Variants in ZFAND5 observed in about 807,000 individuals in gnomAD.
The protein encoded by ZFAND5 is AN1-type zinc finger protein 5.
In ZFAND5, 4 loss-of-function variants were observed where a neutral mutation model predicts 23.6. That is an observed-to-expected ratio of 0.17 (90% CI 0.08 to 0.39). The LOEUF (loss-of-function observed/expected upper bound fraction) is 0.39, where lower values mean the gene tolerates loss of function less well. Ranked by LOEUF, ZFAND5 falls within the 10% of genes least tolerant of loss-of-function variation. The pLI is 1.00. For synonymous variants in ZFAND5, 68 were observed against 80.6 expected, an observed-to-expected ratio of 0.84 and a Z score of 0.84; for missense variants, 161 against 253.7, an observed-to-expected ratio of 0.63 and a Z score of 2.48.
chr9:72,364,449 ATT>A (rs1564317120), intron 1 of ZFAND5: 10 of 1,271,002 alleles, frequency 7.9e-6, no homozygotes, highest in South Asian at 2.5e-5. Context: ...CACGCCGTGC[ATT>A]GTTTCCCGAC....
At position 72,354,489 on chromosome 9, in the gene ZFAND5, A is replaced by G. The variant is rs1243391060; in HGVS notation, c.*1464T>C. 6.5e-6 allele frequency: 1 copy of G among 152,694 alleles called. No individual in the cohort carries two copies. Among genetic ancestry groups the G allele is most frequent in the Non-Finnish European group, 1.5e-5 (1 of 68,048 alleles). The allele number at this position is 152,694 out of a possible 1,614,324, so 9.5% of individuals were successfully genotyped here. A position where few individuals can be genotyped will look rare whatever the true frequency, so the allele number is the denominator to read the frequency against. On this transcript the variant is annotated 3_prime_UTR_variant, in exon 7 of 7. Transcript: ENST00000376962. ...TCTGTACATGGCTTTTATTATTTACATAATACAATATAGCATCAATGCTGA... is the reference window on the plus strand; with the variant it reads ...TCTGTACATGGCTTTTATTATTTACGTAATACAATATAGCATCAATGCTGA...
Position 72,355,721 on chromosome 9 carries a change from A to G in ZFAND5, c.*232T>C. 1 of 353,828 alleles carries G rather than the reference A, an allele frequency of 2.8e-6. No homozygotes were observed. Among genetic ancestry groups the G allele is most frequent in the Admixed American group, 4.5e-5 (1 of 22,286 alleles). 21.9% of individuals were successfully genotyped at this position (353,828 alleles called of 1,614,324 possible). A position where few individuals can be genotyped will look rare whatever the true frequency, so the allele number is the denominator to read the frequency against. On this transcript the variant is annotated 3_prime_UTR_variant, in exon 7 of 7. Transcript: ENST00000376962. ...CTGTGTGTTTCACTTTGCTGTGCAGATTTTCATCCAATTTTTTTCAGGGGA... is the reference window on the plus strand; with the variant it reads ...CTGTGTGTTTCACTTTGCTGTGCAGGTTTTCATCCAATTTTTTTCAGGGGA...
At chr9:72,357,584 A>G (rs1841979645) in intron 5 of ZFAND5, among the ~76,000 whole-genome samples, 1 of 152,196 alleles carries the variant, frequency 6.6e-6, no homozygotes, top group Non-Finnish European at 1.5e-5. Flanking sequence ...TCAGATCCAA[A>G]AATTCCAAAA....
rs80243203 is a variant in ZFAND5 at position 72,361,385 on chromosome 9, A to G, written c.-9-598T>C. Reference sequence around the variant, plus strand: ...CCTGCTACCCTGGCACCAACAAGTAAATCTCTAAGAATTTAGGGTCAGCTG... The same window carrying G: ...CCTGCTACCCTGGCACCAACAAGTAGATCTCTAAGAATTTAGGGTCAGCTG... On this transcript the variant is annotated intron_variant, in intron 2 of 6. Coordinates refer to ENST00000376962, the MANE Select transcript of ZFAND5 (RefSeq NM_001102420.3). Among the ~76,000 whole-genome samples, 585 of 152,302 alleles carry G rather than the reference A, an allele frequency of 3.8e-3. 1 individual carries two copies. The highest frequency in any genetic ancestry group is 6.4e-3 in the Non-Finnish European group (437 of 68,014).
chr9:72,361,037 C>A (rs1019161797), intron 2 of ZFAND5, among the ~76,000 whole-genome samples: 1 of 151,898 alleles, frequency 6.6e-6, no homozygotes, highest in Non-Finnish European at 1.5e-5. Context: ...TATCACTATT[C>A]TTGGTTTCAA....
Position 72,355,866 on chromosome 9 carries a change from GA to G in ZFAND5, c.*86del. ...ATGTAAAACTCTGGAGAACATCAAA[GA>G]AAAATGGCCATGCATCTGCTCTTTA... On this transcript the variant is annotated 3_prime_UTR_variant, in exon 7 of 7. Coordinates refer to ENST00000376962, the MANE Select transcript of ZFAND5 (RefSeq NM_001102420.3). 2 of 1,255,546 alleles carry G rather than the reference GA, an allele frequency of 1.6e-6. No individual in the cohort carries two copies. The highest frequency in any genetic ancestry group is 2.4e-5 in the East Asian group (1 of 41,392). 77.8% of individuals were successfully genotyped at this position (1,255,546 alleles called of 1,614,324 possible).
At position 72,354,075 on chromosome 9, in the gene ZFAND5, C is replaced by T. The variant is rs1001591841; in HGVS notation, c.*1878G>A. ...ACAGAGACCAAGTCCATGGGTGAAT[C>T]TCTGTATTAGAGCCAAACCCAAAAC... is the stretch of plus-strand genomic sequence containing the variant. On this transcript the variant is annotated 3_prime_UTR_variant, in exon 7 of 7. Coordinates refer to ENST00000376962, the MANE Select transcript of ZFAND5 (RefSeq NM_001102420.3). 85 of 152,256 alleles carry T rather than the reference C, an allele frequency of 5.6e-4. No individual in the cohort carries two copies. The highest frequency in any genetic ancestry group is 5.6e-3 in the Admixed American group (85 of 15,294). 9.4% of individuals were successfully genotyped at this position (152,256 alleles called of 1,614,324 possible). A position where few individuals can be genotyped will look rare whatever the true frequency, so the allele number is the denominator to read the frequency against.
chr9:72,362,358 C>T (rs192020394), intron 2 of ZFAND5, among the ~76,000 whole-genome samples: 78 of 152,286 alleles, frequency 5.1e-4, no homozygotes, highest in Non-Finnish European at 8.7e-4. Context: ...ATGCCCACCA[C>T]GCACAAAATA....
At chr9:72,364,359 T>G in intron 1 of ZFAND5, 1 of 1,140,614 alleles carries the variant, frequency 8.8e-7, no homozygotes, top group Non-Finnish European at 1.1e-6. Context: ...CCTCGGCCTC[T>G]TTGTTTCTCT....
At chr9:72,360,451 T>C in intron 3 of ZFAND5, 177 bp downstream of exon 3, 1 of 909,762 alleles carries the variant, frequency 1.1e-6, no homozygotes, top group South Asian at 1.7e-5. Flanking sequence ...TATAAGATGC[T>C]TGTAGATAGT....
rs144469829 is a variant in ZFAND5 at position 72,353,188 on chromosome 9, T to TTC, written c.*2764_*2765insGA. On this transcript the variant is annotated 3_prime_UTR_variant, in exon 7 of 7. Transcript: ENST00000376962. ...AAACATGGTATATTATTAAATTGCT[T>TTC]AATATCTGTACATTTCAAAGGACTT... 0.038 allele frequency: 5,764 copies of TTC among 152,244 alleles called. 132 individuals are homozygous for TTC. The highest frequency in any genetic ancestry group is 0.06 in the African/African-American group (2,477 of 41,536). 9.4% of individuals were successfully genotyped at this position (152,244 alleles called of 1,614,324 possible). A position where few individuals can be genotyped will look rare whatever the true frequency, so the allele number is the denominator to read the frequency against.
intron 2 of ZFAND5, among the ~76,000 whole-genome samples, chr9:72,361,265 A>T (rs185923181): frequency 1.3e-5 from 2 of 152,336 alleles, no homozygotes; most frequent in East Asian, 3.9e-4. Flanking sequence ...TCTGGGCTTC[A>T]TCAGTAATTT....
At position 72,354,545 on chromosome 9, in the gene ZFAND5, GAACT is replaced by G. The variant is rs1489522024; in HGVS notation, c.*1404_*1407del. On this transcript the variant is annotated 3_prime_UTR_variant, in exon 7 of 7. Coordinates refer to ENST00000376962, the MANE Select transcript of ZFAND5 (RefSeq NM_001102420.3). ...ATGATTATGTGCAATACATAAATAT[GAACT>G]ATCTGTACACATCTGCAGGTCTAAC... 6.6e-6 allele frequency: 1 copy of G among 152,652 alleles called. No homozygotes were observed. The highest frequency in any genetic ancestry group is 1.5e-5 in the Non-Finnish European group (1 of 68,032). 9.5% of individuals were successfully genotyped at this position (152,652 alleles called of 1,614,324 possible). A position where few individuals can be genotyped will look rare whatever the true frequency, so the allele number is the denominator to read the frequency against.
intron 3 of ZFAND5, 44 bp from the exon 4 acceptor site, chr9:72,360,265 A>G (rs762774514): frequency 1.6e-4 from 245 of 1,500,148 alleles, no homozygotes; most frequent in Non-Finnish European, 2.1e-4. Context: ...AACACTACAA[A>G]AACTCACTTA....
chr9:72,360,338 G>T (rs1026192821), intron 3 of ZFAND5, 117 bp from the exon 4 acceptor site: 2 of 933,296 alleles, frequency 2.1e-6, no homozygotes, highest in Non-Finnish European at 3.3e-6. Context: ...CATTCACTGT[G>T]CTGTAATCCT....
At chr9:72,364,033 G>A (rs1842182685) in intron 1 of ZFAND5, 1 of 152,816 alleles carries the variant, frequency 6.5e-6, no homozygotes, top group South Asian at 1.9e-4. Context: ...ACGGATCTCA[G>A]GATAAAAACG....
intron 2 of ZFAND5, among the ~76,000 whole-genome samples, chr9:72,363,065 C>T (rs1309436691): frequency 1.3e-5 from 2 of 152,132 alleles, no homozygotes; most frequent in South Asian, 2.1e-4. Flanking sequence ...AAGATGAAAG[C>T]ATAGTCAAAG....
intron 2 of ZFAND5, among the ~76,000 whole-genome samples, chr9:72,363,226 A>G (rs1366030176): frequency 6.6e-6 from 1 of 152,216 alleles, no homozygotes; most frequent in Admixed American, 6.5e-5. Context: ...AAAAAATACC[A>G]TTACTATTTA....
intron 1 of ZFAND5, chr9:72,364,244 C>T: frequency 2.7e-6 from 1 of 371,752 alleles, no homozygotes; most frequent in Non-Finnish European, 4.4e-6. Flanking sequence ...CAGCCCTTCG[C>T]CTGCAGGCCC....
Sources: gnomAD v4.1 joint callset for allele counts (sites outside exome capture counted in the v4.1 genomes callset) on GRCh38, gnomAD v4.1.1 for gene constraint, MANE v1.5 for transcripts, NCBI Gene and HGNC (gene_info 2026-07-23, HGNC 2026-07-21) for gene names.